MCTP2: variants seen among roughly 807,000 people sequenced by gnomAD.
The protein encoded by MCTP2 is multiple C2 and transmembrane domain containing 2, also known as multiple C2 and transmembrane domain-containing protein 2.
In MCTP2, 132 loss-of-function variants were observed where a neutral mutation model predicts 111.6. The observed-to-expected ratio is 1.18, with a 90% CI of 1.03 to 1.37. The LOEUF is 1.37. MCTP2 is among the 40% of genes most tolerant of loss of function. MCTP2 has a pLI of 0.00. For synonymous variants in MCTP2, 395 were observed against 387.7 expected (o/e 1.02, Z -0.22); for missense variants, 1,183 against 1,067.9 (o/e 1.11, Z -1.50).
intron 4 of MCTP2, among the ~76,000 whole-genome samples, chr15:94,321,737 GA>G (rs2076639723): frequency 6.6e-6 from 1 of 152,170 alleles, no homozygotes; most frequent in African/African-American, 2.4e-5. Context: ...CATGCAGTCA[GA>G]AACCCACATA....
chr15:94,436,242 T>A (rs756879894), intron 17 of MCTP2, among the ~76,000 whole-genome samples: 11 of 152,206 alleles, frequency 7.2e-5, no homozygotes, highest in Non-Finnish European at 1.3e-4. Context: ...ACCACCAGAG[T>A]GACTGCAGCT....
chr15:94,339,148 C>A, intron 4 of MCTP2, 142 bp from the exon 5 acceptor site: 1 of 538,814 alleles, frequency 1.9e-6, no homozygotes, highest in South Asian at 4.0e-5. Flanking sequence ...TTCATATCTC[C>A]CTGTCTTCCA....
chr15:94,422,812 C>T (rs2082687307), intron 17 of MCTP2, among the ~76,000 whole-genome samples: 1 of 152,156 alleles, frequency 6.6e-6, no homozygotes, highest in African/African-American at 2.4e-5. Context: ...ACTGTCATAT[C>T]TTTTGCTTTT....
In MCTP2 at chr15:94,339,333, G is replaced by A. The variant is rs1418936905; in HGVS notation, c.681G>A (p.Thr227=). ...PYVKFKLNGK[T]LYKSKVIYKN... ...TGAAATTTAAGCTGAATGGGAAGAC[G>A]CTGTACAAAAGTAAAGTCATATATA... Residue 227 remains threonine (T), a synonymous_variant, in exon 5 of 23, where the codon ACG becomes ACA. Coordinates refer to ENST00000357742, the MANE Select transcript of MCTP2 (RefSeq NM_001385001.1). 11 of 1,610,796 alleles carry A rather than the reference G, an allele frequency of 6.8e-6. No individual in the cohort carries two copies. The highest frequency in any genetic ancestry group is 4.5e-5 in the East Asian group (2 of 44,836).
At chr15:94,255,772 C>G (rs1313332318) in intron 1 of MCTP2, among the ~76,000 whole-genome samples, 2 of 152,060 alleles carry the variant, frequency 1.3e-5, no homozygotes, top group Non-Finnish European at 2.9e-5. Context: ...GATCTTTGCT[C>G]AGGAAGCAGG....
intron 1 of MCTP2, among the ~76,000 whole-genome samples, chr15:94,294,092 G>A (rs1188224600): frequency 1.3e-5 from 2 of 152,212 alleles, no homozygotes; most frequent in African/African-American, 2.4e-5. Context: ...GTAACGTGCT[G>A]AGTGAAAGAA....
chr15:94,402,571 G>A (rs1015604884), intron 17 of MCTP2: 17 of 1,551,352 alleles, frequency 1.1e-5, no homozygotes, highest in African/African-American at 2.7e-5. Flanking sequence ...TAATAAAATC[G>A]CAGAATCAAA....
chr15:94,378,523 G>A (rs575479359), intron 12 of MCTP2, among the ~76,000 whole-genome samples: 3 of 152,304 alleles, frequency 2.0e-5, no homozygotes, highest in African/African-American at 7.2e-5. Context: ...GTGAGACCTT[G>A]TCTGTATTTA....
chr15:94,433,065 A>G lies in MCTP2; in HGVS notation c.2086-7111A>G, dbSNP rs1020959429. Among the ~76,000 whole-genome samples the G allele has an allele frequency of 6.0e-5, 9 of 151,114 alleles. No homozygotes were observed. The East Asian group carries it at 1.4e-3, about 23-fold the overall frequency. ...GTTACATCCTTCTCGTGTTATACTT[A>G]AAGAAACAATACATAGGGGATTTGT... On this transcript the variant is annotated intron_variant, in intron 17 of 22. Transcript: ENST00000357742.
chr15:94,448,449 C>T (rs970011726), intron 19 of MCTP2, among the ~76,000 whole-genome samples: 1 of 152,134 alleles, frequency 6.6e-6, no homozygotes, highest in Admixed American at 6.5e-5. Context: ...CTGATTTTTT[C>T]GTAGTCTATA....
At chr15:94,433,038 A>C (rs2083276408) in intron 17 of MCTP2, among the ~76,000 whole-genome samples, 1 of 152,140 alleles carries the variant, frequency 6.6e-6, no homozygotes, top group Non-Finnish European at 1.5e-5. Flanking sequence ...TTGTGACATG[A>C]GGTTACATCC....
At chr15:94,440,431 TTTGCAGTGGAGGTCTTC>T (rs1363630913) in intron 18 of MCTP2, 133 bp downstream of exon 18, 45 of 1,063,034 alleles carry the variant, frequency 4.2e-5, no homozygotes, top group Non-Finnish European at 1.4e-6. Flanking sequence ...AGGCACTCAT[TTTGCAGTGGAGGTCTTC>T]TATCATGAAT....
At chr15:94,340,378 C>T (rs2077571653) in intron 6 of MCTP2, 103 bp downstream of exon 6, 1 of 853,078 alleles carries the variant, frequency 1.2e-6, no homozygotes, top group Non-Finnish European at 1.9e-6. Flanking sequence ...AATAACATAT[C>T]TGAACAAATG....
chr15:94,309,025 G>T (rs985635032), intron 2 of MCTP2, among the ~76,000 whole-genome samples: 3 of 152,164 alleles, frequency 2.0e-5, no homozygotes, highest in Admixed American at 1.3e-4. Context: ...AGATGAGAGA[G>T]AATTAAATTT....
At chr15:94,361,477 C>G (rs1340624434) in intron 10 of MCTP2, among the ~76,000 whole-genome samples, 1 of 152,088 alleles carries the variant, frequency 6.6e-6, no homozygotes, top group African/African-American at 2.4e-5. Context: ...GGCTCTGTAT[C>G]TGTATAATGG....
chr15:94,357,700 A>G (rs2078706648), intron 9 of MCTP2, among the ~76,000 whole-genome samples: 1 of 152,202 alleles, frequency 6.6e-6, no homozygotes, highest in African/African-American at 2.4e-5. Context: ...ATGCAAGAAT[A>G]GTTAGTACGG....
At chr15:94,266,496 T>G (rs2073542220) in intron 1 of MCTP2, among the ~76,000 whole-genome samples, 2 of 149,126 alleles carry the variant, frequency 1.3e-5, no homozygotes, top group Non-Finnish European at 2.9e-5. Context: ...GTAAATCAAT[T>G]TGTGTATTAA....
rs374609955 is a variant in MCTP2 at position 94,435,662 on chromosome 15, C to T, written c.2086-4514C>T. On this transcript the variant is annotated intron_variant, in intron 17 of 22. Transcript: ENST00000357742. ...TTTTTTTTTTTTTGAGACGGAGTCT[C>T]GCTCTGTCGCCCAGGCTGGAGTGCA... is the stretch of plus-strand genomic sequence containing the variant. Among the ~76,000 whole-genome samples, 99 of 102,240 alleles carry T rather than the reference C, an allele frequency of 9.7e-4. 5 individuals carry two copies. The highest frequency in any genetic ancestry group is 6.8e-3 in the East Asian group (18 of 2,666). 67.1% of individuals were successfully genotyped at this position (102,240 alleles called of 152,430 possible).
chr15:94,467,843 TGGAATA>T (rs2073525511), intron 20 of MCTP2, among the ~76,000 whole-genome samples: 1 of 152,180 alleles, frequency 6.6e-6, no homozygotes, highest in South Asian at 2.1e-4. Context: ...GGTTCTGCTG[TGGAATA>T]GAGAAGTTGG....
Sources: gnomAD v4.1 joint callset for allele counts (sites outside exome capture counted in the v4.1 genomes callset) on GRCh38, gnomAD v4.1.1 for gene constraint, MANE v1.5 for transcripts, NCBI Gene and HGNC (gene_info 2026-07-23, HGNC 2026-07-21) for gene names.